The following TRPM3 variants were observed in gnomAD, a reference collection of about 807,000 sequenced individuals.
TRPM3 encodes the protein transient receptor potential cation channel subfamily M member 3.
TRPM3 carries 77 observed loss-of-function variants against 181.2 expected under a neutral mutation model. The ratio of observed to expected loss-of-function variants is 0.42; its 90% CI spans 0.35 to 0.51. The LOEUF (loss-of-function observed/expected upper bound fraction) is 0.51. TRPM3 is among the 20% of genes least tolerant of loss of function. The pLI is 0.01. For missense variants in TRPM3, 1,759 were observed against 2,196.7 expected (o/e 0.80, Z 3.98); for synonymous variants, 745 against 796.4 (o/e 0.94, Z 1.09).
intron 1 of TRPM3, among the ~76,000 whole-genome samples, chr9:70,878,967 A>G (rs1277956009): frequency 1.3e-5 from 2 of 152,140 alleles, no homozygotes; most frequent in Admixed American, 6.6e-5. Context: ...ACGTTTCATA[A>G]TAGCAGCAAT....
intron 1 of TRPM3, among the ~76,000 whole-genome samples, chr9:71,353,902 GA>G (rs1170079728): frequency 1.3e-5 from 2 of 152,192 alleles, no homozygotes; most frequent in African/African-American, 4.8e-5. Context: ...GGTTTCATCT[GA>G]AAGATGAGGG....
At chr9:71,123,299 A>T (rs1355868321), upstream of TRPM3, among the ~76,000 whole-genome samples, 1 of 152,220 alleles carries the variant, frequency 6.6e-6, no homozygotes, top group Non-Finnish European at 1.5e-5. Flanking sequence ...ATGTTGATGT[A>T]TTAGTTAACA....
At chr9:71,169,870 G>C (rs942752601) in intron 1 of TRPM3, among the ~76,000 whole-genome samples, 3 of 150,984 alleles carry the variant, frequency 2.0e-5, no homozygotes, top group African/African-American at 7.3e-5. Context: ...GCATGGTGGT[G>C]TGTACCCCAT....
At chr9:70,737,840 T>C (rs1460563325) in intron 8 of TRPM3, among the ~76,000 whole-genome samples, 1 of 152,140 alleles carries the variant, frequency 6.6e-6, no homozygotes, top group Non-Finnish European at 1.5e-5. Context: ...TAAATATATA[T>C]GCACCTACCA....
chr9:70,915,337 G>A (rs528096962), intron 1 of TRPM3, among the ~76,000 whole-genome samples: 90 of 151,500 alleles, frequency 5.9e-4, no homozygotes, highest in Middle Eastern at 3.4e-3. Flanking sequence ...TTACTCTGTC[G>A]CCCAGGCTGG....
intron 1 of TRPM3, among the ~76,000 whole-genome samples, chr9:71,039,098 A>C (rs1429745029): frequency 2.6e-5 from 4 of 152,206 alleles, no homozygotes; most frequent in African/African-American, 9.7e-5. Flanking sequence ...CTTGCATATT[A>C]ATCACCTTTT....
intron 1 of TRPM3, among the ~76,000 whole-genome samples, chr9:71,002,865 C>T (rs181809205): frequency 4.6e-5 from 7 of 152,190 alleles, no homozygotes; most frequent in Admixed American, 1.3e-4. Flanking sequence ...ATGCTAACAT[C>T]GCAACCAAGA....
At chr9:70,772,191 C>T (rs2130597009) in intron 7 of TRPM3, among the ~76,000 whole-genome samples, 1 of 152,252 alleles carries the variant, frequency 6.6e-6, no homozygotes, top group Non-Finnish European at 1.5e-5. Flanking sequence ...TCACATGTGG[C>T]TATTTAATTA....
chr9:71,377,797 T>A (rs2132848726), intron 1 of TRPM3, among the ~76,000 whole-genome samples: 1 of 152,168 alleles, frequency 6.6e-6, no homozygotes, highest in African/African-American at 2.4e-5. Context: ...CATAGATTAT[T>A]TTTGCCTGTT....
intron 1 of TRPM3, among the ~76,000 whole-genome samples, chr9:70,884,851 T>A (rs1339830169): frequency 2.6e-5 from 4 of 151,782 alleles, no homozygotes; most frequent in Admixed American, 2.6e-4. Flanking sequence ...ATCCCAGGAG[T>A]TTGTGAAAAA....
intron 5 of TRPM3, among the ~76,000 whole-genome samples, chr9:70,836,919 A>G (rs116782482): frequency 0.01 from 1,533 of 152,316 alleles, 30 homozygotes; most frequent in African/African-American, 0.035. Flanking sequence ...GTCAAAATCA[A>G]CATGCCCAGA....
intron 1 of TRPM3, among the ~76,000 whole-genome samples, chr9:71,196,242 C>A (rs970713150): frequency 6.6e-6 from 1 of 150,876 alleles, no homozygotes; most frequent in Non-Finnish European, 1.5e-5. Context: ...GATTTCCCAA[C>A]CTCTGGGTCT....
At chr9:71,228,001 T>C (rs1003733217) in intron 1 of TRPM3, among the ~76,000 whole-genome samples, 34 of 152,184 alleles carry the variant, frequency 2.2e-4, no homozygotes, top group African/African-American at 8.0e-4. Flanking sequence ...AGTATTACCC[T>C]GATCATCAAA....
At chr9:71,265,852 T>G (rs1238003827) in intron 1 of TRPM3, among the ~76,000 whole-genome samples, 1 of 152,208 alleles carries the variant, frequency 6.6e-6, no homozygotes, top group Non-Finnish European at 1.5e-5. Context: ...CTCACCTCTT[T>G]TCCTCTCATA....
intron 1 of TRPM3, among the ~76,000 whole-genome samples, chr9:71,246,664 A>G (rs2082051994): frequency 6.6e-6 from 1 of 152,246 alleles, no homozygotes; most frequent in African/African-American, 2.4e-5. Context: ...ATACAATTTT[A>G]TCAACCTACT....
chr9:71,233,417 C>T (rs1054742817), intron 1 of TRPM3, among the ~76,000 whole-genome samples: 3 of 152,126 alleles, frequency 2.0e-5, no homozygotes, highest in Non-Finnish European at 2.9e-5. Flanking sequence ...AAATTATATA[C>T]AGTTATCTTT....
chr9:70,610,547 G>C, intron 19 of TRPM3, 62 bp downstream of exon 19: 1 of 1,570,334 alleles, frequency 6.4e-7, no homozygotes, highest in Non-Finnish European at 8.7e-7. Context: ...ACAGATGCAT[G>C]AGAAATGGAC....
intron 1 of TRPM3, among the ~76,000 whole-genome samples, chr9:71,397,722 G>C (rs2093234170): frequency 6.6e-6 from 1 of 151,970 alleles, no homozygotes; most frequent in African/African-American, 2.4e-5. Context: ...AATTCCCATG[G>C]TCTAATATTA....
chr9:71,392,089 A>G (rs963740646), intron 1 of TRPM3, among the ~76,000 whole-genome samples: 1 of 152,146 alleles, frequency 6.6e-6, no homozygotes, highest in Non-Finnish European at 1.5e-5. Context: ...AGCAGAAACT[A>G]AAAAGAGAAA....
Sources: gnomAD v4.1 joint callset for allele counts (sites outside exome capture counted in the v4.1 genomes callset) on GRCh38, gnomAD v4.1.1 for gene constraint, MANE v1.5 for transcripts, NCBI Gene and HGNC (gene_info 2026-07-23, HGNC 2026-07-21) for gene names.